Variants in UQCC4 observed in about 807,000 individuals in gnomAD.
UQCC4 encodes the protein ubiquinol-cytochrome c reductase complex assembly factor 4.
At chr16:1,420,470 G>A in the UQCC4 span, 1 of 1,614,286 alleles carries the variant, frequency 6.2e-7, no homozygotes, top group East Asian at 2.2e-5. Flanking sequence ...CAGCGGTGAG[G>A]GTTGGCTTTG....
chr16:1,420,451 C>T, the UQCC4 span: 1 of 1,614,246 alleles, frequency 6.2e-7, no homozygotes, highest in South Asian at 1.1e-5. Context: ...CATGGTATGG[C>T]CCACCGACCA....
chr16:1,419,926 G>A, the UQCC4 span: 4 of 1,474,008 alleles, frequency 2.7e-6, no homozygotes, highest in South Asian at 1.1e-5. Flanking sequence ...GTCACCAGAA[G>A]TGCTTTGGAA....
chr16:1,419,859 G>A, the UQCC4 span: 9 of 1,327,040 alleles, frequency 6.8e-6, no homozygotes, highest in African/African-American at 1.5e-5. Flanking sequence ...TCACACTTCT[G>A]CCAGATATTC....
At chr16:1,420,015 G>C in the UQCC4 span, 9 of 1,606,830 alleles carry the variant, frequency 5.6e-6, no homozygotes, top group Non-Finnish European at 7.7e-6. Flanking sequence ...GATCTGAGAA[G>C]TCTTGCCGAT....
chr16:1,420,525 G>A, the UQCC4 span: 2 of 1,614,144 alleles, frequency 1.2e-6, no homozygotes, highest in South Asian at 2.2e-5. Flanking sequence ...CCTCTTCCTC[G>A]GCGGCAGGGT....
At chr16:1,420,087 C>T in the UQCC4 span, 2 of 1,613,224 alleles carry the variant, frequency 1.2e-6, no homozygotes. Context: ...GATTCTGCTC[C>T]GCCTTCACGC....
the UQCC4 span, chr16:1,420,390 G>A: frequency 3.1e-6 from 5 of 1,614,266 alleles, no homozygotes; most frequent in South Asian, 4.4e-5. Flanking sequence ...GCGCCACGAG[G>A]AAGCAGCTGA....
chr16:1,420,555 G>T, the UQCC4 span: 13 of 1,612,540 alleles, frequency 8.1e-6, no homozygotes, highest in Non-Finnish European at 1.1e-5. Flanking sequence ...CCCGGGAACC[G>T]GGCAACGGAT....
the UQCC4 span, chr16:1,420,625 G>C: frequency 6.4e-7 from 1 of 1,556,834 alleles, no homozygotes; most frequent in Non-Finnish European, 8.7e-7. Flanking sequence ...GGAAGAGAGA[G>C]AGCAGTAAGC....
chr16:1,420,573 T>C, the UQCC4 span: 12 of 1,608,726 alleles, frequency 7.5e-6, no homozygotes, highest in South Asian at 1.3e-4. Flanking sequence ...GATGAAGGCT[T>C]CGGGAAGCCC....
chr16:1,420,166 G>C, the UQCC4 span: 1 of 1,613,932 alleles, frequency 6.2e-7, no homozygotes, highest in East Asian at 2.2e-5. Context: ...CGCATAGCCA[G>C]GACAGTCACG....
At chr16:1,420,747 C>A in the UQCC4 span, 1 of 1,535,388 alleles carries the variant, frequency 6.5e-7, no homozygotes, top group Non-Finnish European at 8.7e-7. Context: ...CCTCGACTGA[C>A]GCCTTGGCGC....
chr16:1,420,715 A>T, the UQCC4 span: 1 of 1,541,108 alleles, frequency 6.5e-7, no homozygotes, highest in Non-Finnish European at 8.7e-7. Flanking sequence ...CACACAAGAC[A>T]CGATTCATTG....
chr16:1,420,286 T>C, the UQCC4 span: 1 of 1,614,088 alleles, frequency 6.2e-7, no homozygotes, highest in Non-Finnish European at 8.5e-7. Context: ...CTCAGGCTCC[T>C]CAGAACGATC....
At chr16:1,420,259 C>T in the UQCC4 span, 2 of 1,613,562 alleles carry the variant, frequency 1.2e-6, no homozygotes, top group African/African-American at 1.3e-5. Flanking sequence ...AGTTCTCGCT[C>T]TGTAGGCAGC....
chr16:1,420,677 C>G, the UQCC4 span: 15 of 1,548,148 alleles, frequency 9.7e-6, no homozygotes, highest in African/African-American at 1.8e-4. Flanking sequence ...CCCTCCGAGA[C>G]CTTGAGGAGC....
the UQCC4 span, chr16:1,420,530 C>A: frequency 1.2e-6 from 2 of 1,614,068 alleles, no homozygotes; most frequent in African/African-American, 2.7e-5. Flanking sequence ...TCCTCGGCGG[C>A]AGGGTGGGCC....
At chr16:1,420,191 C>A in the UQCC4 span, 1 of 1,614,100 alleles carries the variant, frequency 6.2e-7, no homozygotes, top group Middle Eastern at 1.6e-4. Flanking sequence ...AACGTGACAT[C>A]AAATCCGAAG....
chr16:1,420,441 C>A, the UQCC4 span: 2 of 1,614,258 alleles, frequency 1.2e-6, no homozygotes, highest in Admixed American at 3.3e-5. Flanking sequence ...GTCCCTTTCC[C>A]ATGGTATGGC....
Sources: allele counts gnomAD v4.1 joint callset, GRCh38; gene constraint gnomAD v4.1.1; transcripts MANE v1.5; gene names NCBI Gene and HGNC (gene_info 2026-07-23, HGNC 2026-07-21).